Variants in ILKAP observed in about 807,000 individuals in gnomAD.
The protein encoded by ILKAP is ILK associated serine/threonine phosphatase.
ILKAP carries 11 observed loss-of-function variants against 49.1 expected under a neutral mutation model. The observed-to-expected ratio is 0.22, with a 90% CI of 0.14 to 0.37. The LOEUF (loss-of-function observed/expected upper bound fraction) is 0.37, where lower values mean the gene tolerates loss of function less well. Ranked by LOEUF, ILKAP falls within the 10% of genes least tolerant of loss-of-function variation. ILKAP has a pLI of 1.00. For missense variants in ILKAP, 363 were observed against 510.8 expected (o/e 0.71, Z 2.79); for synonymous variants, 186 against 192.8 (o/e 0.96, Z 0.29).
Position 238,203,680 on chromosome 2 carries a change from C to A in ILKAP, c.-127G>T. 2.7e-6 allele frequency: 1 copy of A among 375,934 alleles called. No individual in the cohort carries two copies. Among genetic ancestry groups the A allele is most frequent in the South Asian group, 1.1e-4 (1 of 8,946 alleles). 23.3% of individuals were successfully genotyped at this position (375,934 alleles called of 1,614,324 possible). Reference sequence around the variant, plus strand: ...GGCAGGGGCGGCCGGCGCCGTCAGTCACCTGCAGGGAGAGTCCCGGACGCC... The same window carrying A: ...GGCAGGGGCGGCCGGCGCCGTCAGTAACCTGCAGGGAGAGTCCCGGACGCC... On this transcript the variant is annotated 5_prime_UTR_variant, in exon 1 of 12. Coordinates refer to ENST00000254654, the MANE Select transcript of ILKAP (RefSeq NM_030768.3).
At chr2:238,196,721 C>A (rs2106340943) in intron 1 of ILKAP, among the ~76,000 whole-genome samples, 1 of 152,288 alleles carries the variant, frequency 6.6e-6, no homozygotes, top group Non-Finnish European at 1.5e-5. Context: ...CTAAAATACA[C>A]AAGAAATTCC....
At chr2:238,172,203 C>G (rs1239376622) in intron 10 of ILKAP, among the ~76,000 whole-genome samples, 1 of 152,078 alleles carries the variant, frequency 6.6e-6, no homozygotes. Context: ...AGGCGCCCAC[C>G]ACCACGCCTG....
intron 1 of ILKAP, among the ~76,000 whole-genome samples, chr2:238,197,791 C>A (rs1694406801): frequency 6.6e-6 from 1 of 152,152 alleles, no homozygotes; most frequent in South Asian, 2.1e-4. Context: ...CTGGCCACAA[C>A]TGGGAATGGC....
intron 10 of ILKAP, 152 bp downstream of exon 10, chr2:238,173,382 A>T (rs1693311146): frequency 1.0e-6 from 1 of 965,014 alleles, no homozygotes; most frequent in Non-Finnish European, 1.5e-6. Context: ...GGACCCCACC[A>T]GAGCAGAAAC....
At chr2:238,176,701 C>A (rs1007209533) in intron 9 of ILKAP, among the ~76,000 whole-genome samples, 1 of 152,166 alleles carries the variant, frequency 6.6e-6, no homozygotes, top group Non-Finnish European at 1.5e-5. Flanking sequence ...ACTGAGACAT[C>A]CTACTACTTG....
At chr2:238,181,989 A>AC in intron 9 of ILKAP, 76 bp downstream of exon 9, 1 of 1,517,146 alleles carries the variant, frequency 6.6e-7, no homozygotes, top group Non-Finnish European at 9.0e-7. Flanking sequence ...GGGAAGTTCT[A>AC]CTCCTTGAAG....
intron 4 of ILKAP, among the ~76,000 whole-genome samples, chr2:238,189,154 TA>T (rs1180229118): frequency 6.6e-6 from 1 of 151,980 alleles, no homozygotes; most frequent in Non-Finnish European, 1.5e-5. Flanking sequence ...CCGTCTCTAC[TA>T]AAAATACAAA....
intron 5 of ILKAP, chr2:238,185,527 G>C (rs1574793460): frequency 2.5e-6 from 1 of 394,488 alleles, no homozygotes; most frequent in East Asian, 5.1e-5. Context: ...GTGTGGGCCA[G>C]GTGTGGTGGC....
chr2:238,201,088 T>C (rs912032568), intron 1 of ILKAP, among the ~76,000 whole-genome samples: 1 of 152,258 alleles, frequency 6.6e-6, no homozygotes, highest in African/African-American at 2.4e-5. Flanking sequence ...TAGAGATTTG[T>C]GGTACCCACA....
chr2:238,189,893 C>T lies in ILKAP; in HGVS notation c.258G>A (p.Lys86=), dbSNP rs777192741. The part of the protein sequence containing the change: ...GAKRKTSEEE[K]NGSEELVEKK... ...TTTCCACAAGCTCTTCACTGCCATT[C>T]TTCTCTTCCTCGGAGGTTTTTCTCT... The change falls in exon 4 of 12, where the codon AAG becomes AAA. Residue 86 remains lysine, a synonymous_variant. Transcript: ENST00000254654. 6.2e-7 allele frequency: 1 copy of T among 1,614,122 alleles called. No individual in the cohort carries two copies. Among genetic ancestry groups the T allele is most frequent in the Non-Finnish European group, 8.5e-7 (1 of 1,179,948 alleles).
At position 238,175,708 on chromosome 2, in the gene ILKAP, G is replaced by A. The variant is rs1239721020; in HGVS notation, c.837-2055C>T. On this transcript the variant is annotated intron_variant, in intron 9 of 11. Transcript: ENST00000254654. ...CAAAAGGATCACCACTGATGAAGCT[G>A]GTTGGGACTCAGCCCCACCAGCCCC... Among the ~76,000 whole-genome samples, 3 of 152,310 alleles carry A rather than the reference G, an allele frequency of 2.0e-5. No individual in the cohort carries two copies. In the East Asian group the frequency reaches 5.8e-4, roughly 29 times the overall value.
intron 9 of ILKAP, among the ~76,000 whole-genome samples, chr2:238,176,353 G>A (rs969674731): frequency 2.6e-5 from 4 of 152,022 alleles, no homozygotes; most frequent in Non-Finnish European, 5.9e-5. Flanking sequence ...GGCTGGTCTT[G>A]AACTCCTGAC....
chr2:238,172,035 C>CT (rs1344790076), intron 10 of ILKAP, among the ~76,000 whole-genome samples: 17 of 151,170 alleles, frequency 1.1e-4, no homozygotes, highest in South Asian at 4.2e-4. Context: ...GTTTTTTTTT[C>CT]TTTGTTTTTT....
At chr2:238,194,609 C>G in intron 2 of ILKAP, 196 bp downstream of exon 2, 2 of 619,106 alleles carry the variant, frequency 3.2e-6, no homozygotes, top group Non-Finnish European at 5.7e-6. Flanking sequence ...CACATTTCCT[C>G]GCAGTACTTC....
chr2:238,183,192 T>A (rs567854708), intron 8 of ILKAP, among the ~76,000 whole-genome samples: 1 of 152,258 alleles, frequency 6.6e-6, no homozygotes, highest in African/African-American at 2.4e-5. Context: ...GCTCGGGTGA[T>A]GAATGGCACC....
At chr2:238,185,939 A>G (rs1693892574) in intron 5 of ILKAP, 1 of 152,224 alleles carries the variant, frequency 6.6e-6, no homozygotes, top group Non-Finnish European at 1.5e-5. Flanking sequence ...AAATGTTTAA[A>G]ACTCACATTT....
At chr2:238,181,625 GTTTT>G (rs61607663) in intron 9 of ILKAP, among the ~76,000 whole-genome samples, 1 of 135,620 alleles carries the variant, frequency 7.4e-6, no homozygotes, top group African/African-American at 2.6e-5. Context: ...TTTTTTTTTG[GTTTT>G]TTTTTTTTTT....
At chr2:238,170,763 C>A in intron 11 of ILKAP, 87 bp from the exon 12 acceptor site, 1 of 1,592,098 alleles carries the variant, frequency 6.3e-7, no homozygotes, top group Non-Finnish European at 8.6e-7. Flanking sequence ...AGAAGAGCTG[C>A]TCTGGTCTCC....
At chr2:238,194,154 T>C (rs968090100) in intron 3 of ILKAP, 121 bp downstream of exon 3, 4 of 748,270 alleles carry the variant, frequency 5.3e-6, no homozygotes, top group Admixed American at 2.5e-5. Flanking sequence ...TAGTAAACCT[T>C]ATGCTGTATT....
Sources: gnomAD v4.1 joint callset for allele counts (sites outside exome capture counted in the v4.1 genomes callset) on GRCh38, gnomAD v4.1.1 for gene constraint, MANE v1.5 for transcripts, NCBI Gene and HGNC (gene_info 2026-07-23, HGNC 2026-07-21) for gene names.